Variants in KHDC1 observed in about 807,000 individuals in gnomAD.
KHDC1 encodes KH domain containing 1, also known as KH homology domain-containing protein 1.
KHDC1 carries 21 observed loss-of-function variants against 24.7 expected under a neutral mutation model. The observed-to-expected ratio is 0.85, with a 90% CI of 0.60 to 1.23. KHDC1 has a LOEUF of 1.23. Ranked by LOEUF, KHDC1 falls within the 50% of genes most tolerant of loss-of-function variation. KHDC1 has a pLI of 0.00. For synonymous variants in KHDC1, 98 were observed against 111.7 expected (o/e 0.88, Z 0.77); for missense variants, 274 against 298.5 (o/e 0.92, Z 0.61).
chr6:73,271,020 A>G (rs1187914018), intron 2 of KHDC1, among the ~76,000 whole-genome samples: 1 of 151,936 alleles, frequency 6.6e-6, no homozygotes, highest in Non-Finnish European at 1.5e-5. Context: ...CATTCTGTTA[A>G]TATTTTCATC....
At chr6:73,259,629 T>C (rs1047044044) in intron 2 of KHDC1, among the ~76,000 whole-genome samples, 1 of 152,214 alleles carries the variant, frequency 6.6e-6, no homozygotes, top group East Asian at 1.9e-4. Context: ...ACTAGTTACA[T>C]GCAGCAAGAA....
Position 73,266,884 on chromosome 6 carries a change from A to G in KHDC1, c.207-24354T>C, listed in dbSNP as rs929398214. Among the ~76,000 whole-genome samples the G allele has an allele frequency of 4.6e-5, 7 of 152,356 alleles. No homozygotes were observed. The South Asian group carries it at 6.2e-4, about 14-fold the overall frequency. Reference sequence around the variant, plus strand: ...TGATAAGAGATTAATATACAGGATAACAACCCAATTGAAACATAAAGTAGC... The same window carrying G: ...TGATAAGAGATTAATATACAGGATAGCAACCCAATTGAAACATAAAGTAGC... On this transcript the variant is annotated intron_variant, in intron 2 of 4. Coordinates refer to ENST00000370384, the Ensembl canonical transcript of KHDC1.
At chr6:73,264,333 C>G (rs1356827049) in intron 2 of KHDC1, among the ~76,000 whole-genome samples, 1 of 152,176 alleles carries the variant, frequency 6.6e-6, no homozygotes, top group Non-Finnish European at 1.5e-5. Context: ...GGGACACAGA[C>G]ACCAATAAAA....
intron 2 of KHDC1, among the ~76,000 whole-genome samples, chr6:73,253,549 T>C (rs1231469238): frequency 6.7e-6 from 1 of 149,424 alleles, no homozygotes; most frequent in African/African-American, 2.5e-5. Context: ...CGAGAGTCCG[T>C]CTCAAAAAAA....
chr6:73,293,225 A>C, intron 1 of KHDC1: 4 of 675,622 alleles, frequency 5.9e-6, no homozygotes, highest in Non-Finnish European at 1.1e-5. Flanking sequence ...CTTAATGACA[A>C]TAGCAGGTCA....
At chr6:73,286,700 G>C (rs1266472881) in intron 2 of KHDC1, among the ~76,000 whole-genome samples, 1 of 152,042 alleles carries the variant, frequency 6.6e-6, no homozygotes, top group Non-Finnish European at 1.5e-5. Flanking sequence ...TGACGAACAT[G>C]GTGAAACCCT....
chr6:73,275,891 T>A (rs1164825008), intron 2 of KHDC1: 1 of 152,684 alleles, frequency 6.5e-6, no homozygotes, highest in African/African-American at 2.4e-5. Flanking sequence ...GCCAGAAATA[T>A]GACAAAAGGC....
At chr6:73,293,118 T>C (rs939728638) in intron 1 of KHDC1, 3 of 848,434 alleles carry the variant, frequency 3.5e-6, no homozygotes, top group African/African-American at 3.3e-5. Context: ...CATGTGGTTA[T>C]GGTAACAATG....
At chr6:73,248,257 GCA>G (rs1168220327) in intron 2 of KHDC1, among the ~76,000 whole-genome samples, 1 of 152,102 alleles carries the variant, frequency 6.6e-6, no homozygotes, top group East Asian at 1.9e-4. Context: ...AAATCATTTT[GCA>G]CAGTCCTGAG....
intron 2 of KHDC1, among the ~76,000 whole-genome samples, chr6:73,278,529 C>T (rs1463415714): frequency 6.6e-6 from 1 of 152,128 alleles, no homozygotes; most frequent in Non-Finnish European, 1.5e-5. Context: ...CTAGCCCTAG[C>T]TCTTTATTTT....
chr6:73,265,488 C>T (rs139438589), intron 2 of KHDC1, among the ~76,000 whole-genome samples: 101 of 141,430 alleles, frequency 7.1e-4, no homozygotes, highest in African/African-American at 2.6e-3. Context: ...AAGACTGTGC[C>T]ATTGCACTCT....
intron 2 of KHDC1, among the ~76,000 whole-genome samples, chr6:73,254,318 A>C (rs1317160574): frequency 6.6e-6 from 1 of 151,816 alleles, no homozygotes; most frequent in African/African-American, 2.4e-5. Flanking sequence ...AAAATTAGCC[A>C]GGCGTGGTGG....
At chr6:73,272,803 G>C (rs1160548723) in intron 2 of KHDC1, among the ~76,000 whole-genome samples, 1 of 150,130 alleles carries the variant, frequency 6.7e-6, no homozygotes, top group Non-Finnish European at 1.5e-5. Context: ...AACAGGGAGA[G>C]ATCTTTATAT....
chr6:73,256,555 C>T (rs1032552290), intron 2 of KHDC1, among the ~76,000 whole-genome samples: 3 of 152,202 alleles, frequency 2.0e-5, no homozygotes, highest in African/African-American at 7.2e-5. Context: ...CTATTAACAG[C>T]CAGTTTACCA....
At chr6:73,307,289 G>A (rs866741694) in intron 1 of KHDC1, among the ~76,000 whole-genome samples, 13 of 151,972 alleles carry the variant, frequency 8.6e-5, no homozygotes, top group Admixed American at 2.0e-4. Flanking sequence ...TTAGCCAGGC[G>A]TGATGCCGGG....
chr6:73,254,460 TAAAATA>T (rs1174882338), intron 2 of KHDC1, among the ~76,000 whole-genome samples: 19 of 122,412 alleles, frequency 1.6e-4, no homozygotes, highest in African/African-American at 4.6e-4. Flanking sequence ...GACTCTGTCT[TAAAATA>T]AAAATAAATA....
At chr6:73,263,170 C>CCGCGCGAGG (rs967560026) in intron 2 of KHDC1, 1 of 986,968 alleles carries the variant, frequency 1.0e-6, no homozygotes, top group African/African-American at 1.7e-5. Flanking sequence ...CGCGCCGCGG[C>CCGCGCGAGG]CGCGCGAGGC....
At chr6:73,281,279 C>T (rs1423609097) in intron 2 of KHDC1, among the ~76,000 whole-genome samples, 3 of 151,490 alleles carry the variant, frequency 2.0e-5, no homozygotes, top group Non-Finnish European at 4.4e-5. Flanking sequence ...GCAGAGGTTG[C>T]AGTGAGCCAA....
At chr6:73,304,918 C>T (rs1423961595) in intron 1 of KHDC1, among the ~76,000 whole-genome samples, 1 of 152,032 alleles carries the variant, frequency 6.6e-6, no homozygotes, top group African/African-American at 2.4e-5. Context: ...ACATATATAA[C>T]AAATTGCATC....
Sources: gnomAD v4.1 joint callset for allele counts (sites outside exome capture counted in the v4.1 genomes callset) on GRCh38, gnomAD v4.1.1 for gene constraint, MANE v1.5 for transcripts, NCBI Gene and HGNC (gene_info 2026-07-23, HGNC 2026-07-21) for gene names.